GUCY1A1: variants seen among roughly 807,000 people sequenced by gnomAD.
GUCY1A1 encodes the protein guanylate cyclase soluble subunit alpha-1.
GUCY1A1 carries 48 observed loss-of-function variants against 64.5 expected under a neutral mutation model. That is an observed-to-expected ratio of 0.74 (90% CI 0.59 to 0.95). The LOEUF is 0.95. GUCY1A1 is among the 40% of genes least tolerant of loss of function. The pLI, the probability that GUCY1A1 is intolerant of heterozygous loss-of-function variation, is 0.00. For synonymous variants in GUCY1A1, 308 were observed against 303.4 expected, an observed-to-expected ratio of 1.02 and a Z score of -0.16; for missense variants, 804 against 825.3, an observed-to-expected ratio of 0.97 and a Z score of 0.32.
rs1431843201 is a variant in GUCY1A1, at chr4:155,717,158, G to C, written c.1573-1G>C. 2.0e-6 allele frequency: 3 copies of C among 1,469,498 alleles called. No homozygotes were observed. Among genetic ancestry groups the C allele is most frequent in the Non-Finnish European group, 2.7e-6 (3 of 1,096,238 alleles). 91.0% of individuals were successfully genotyped at this position (1,469,498 alleles called of 1,614,324 possible). ...TAGTATGGAAAATATATTATGTCTA[G>C]GTGGAGACCATTGGCGATGCCTATT... is the stretch of plus-strand genomic sequence containing the variant. On this transcript the variant is annotated splice_acceptor_variant, in intron 7 of 9. Coordinates refer to ENST00000506455, the MANE Select transcript of GUCY1A1 (RefSeq NM_001130682.3). LOFTEE classifies it high-confidence loss of function.
At chr4:155,707,904 T>C (rs1247818654) in intron 4 of GUCY1A1, among the ~76,000 whole-genome samples, 2 of 151,360 alleles carry the variant, frequency 1.3e-5, no homozygotes, top group African/African-American at 4.9e-5. Context: ...TGATCTCGGC[T>C]CACTGCTACC....
chr4:155,678,917 T>C lies in GUCY1A1; in HGVS notation c.-113+11498T>C, dbSNP rs534305750. 2.0e-5 allele frequency among the ~76,000 whole-genome samples: 3 copies of C among 152,356 alleles called. No individual in the cohort carries two copies. In the East Asian group the frequency reaches 5.8e-4, roughly 29 times the overall value. On this transcript the variant is annotated intron_variant, in intron 2 of 9. Transcript: ENST00000506455. ...TTAATAACTAATAATATTGAGCATA[T>C]GAAGAAATGTTTATGACTGTTTATA...
chr4:155,674,501 CT>C (rs1734621704), intron 2 of GUCY1A1, among the ~76,000 whole-genome samples: 2 of 151,480 alleles, frequency 1.3e-5, no homozygotes, highest in Admixed American at 1.3e-4. Flanking sequence ...AGTCCAGCAT[CT>C]TCGTTCTTTA....
intron 2 of GUCY1A1, among the ~76,000 whole-genome samples, chr4:155,673,196 A>G (rs1000490242): frequency 2.0e-5 from 3 of 151,368 alleles, no homozygotes; most frequent in Non-Finnish European, 4.4e-5. Flanking sequence ...ATATTTTATA[A>G]CACTCTTCTT....
Position 155,722,439 on chromosome 4 carries a change from T to C in GUCY1A1, c.1871+247T>C, listed in dbSNP as rs931109604. 6.9e-6 allele frequency: 9 copies of C among 1,308,744 alleles called. No homozygotes were observed. In the African/African-American group the frequency reaches 1.2e-4, roughly 17 times the overall value. 81.1% of individuals were successfully genotyped at this position (1,308,744 alleles called of 1,614,324 possible). A position where few individuals can be genotyped will look rare whatever the true frequency, so the allele number is the denominator to read the frequency against. ...ATGACAGATATTACATAGTCTTCCATCATTCTTCTTTTAGAAGCACATATT... is the reference window on the plus strand; with the variant it reads ...ATGACAGATATTACATAGTCTTCCACCATTCTTCTTTTAGAAGCACATATT... On this transcript the variant is annotated intron_variant, in intron 9 of 9. Coordinates refer to ENST00000506455, the MANE Select transcript of GUCY1A1 (RefSeq NM_001130682.3).
At chr4:155,705,304 T>C (rs558462858) in intron 4 of GUCY1A1, among the ~76,000 whole-genome samples, 1 of 152,228 alleles carries the variant, frequency 6.6e-6, no homozygotes, top group African/African-American at 2.4e-5. Context: ...ATCCCAGCCC[T>C]TTGGGAGGTC....
At chr4:155,700,132 A>G (rs1278001219) in intron 3 of GUCY1A1, among the ~76,000 whole-genome samples, 2 of 152,154 alleles carry the variant, frequency 1.3e-5, no homozygotes, top group Non-Finnish European at 2.9e-5. Flanking sequence ...TTGTTTCCCA[A>G]TAATTCTGTA....
intron 3 of GUCY1A1, among the ~76,000 whole-genome samples, chr4:155,701,800 T>TC (rs1404946466): frequency 9.5e-6 from 1 of 105,746 alleles, no homozygotes; most frequent in East Asian, 2.5e-4. Context: ...AAACTCTATA[T>TC]CCAAAAAAAA....
In GUCY1A1 at chr4:155,736,360, A is replaced by G. The variant is rs1029870000; in HGVS notation, c.*6129A>G. The G allele has an allele frequency of 1.3e-5, 2 of 152,084 alleles. No homozygotes were observed. The highest frequency in any genetic ancestry group is 3.9e-4 in the East Asian group (2 of 5,164). The allele number at this position is 152,084 out of a possible 1,614,324, so 9.4% of individuals were successfully genotyped here. ...TTGCTTTGAGAAATGGATAAAAGAC[A>G]TAGACTATCACCCCTCCAAAAATGT... On this transcript the variant is annotated 3_prime_UTR_variant, in exon 10 of 10. Coordinates refer to ENST00000506455, the MANE Select transcript of GUCY1A1 (RefSeq NM_001130682.3).
chr4:155,698,666 ACT>A (rs2126756156), intron 3 of GUCY1A1, among the ~76,000 whole-genome samples: 1 of 152,254 alleles, frequency 6.6e-6, no homozygotes, highest in African/African-American at 2.4e-5. Context: ...ACAGAGCGAG[ACT>A]CTGTCTCAAC....
chr4:155,712,992 G>A (rs1732771999), intron 6 of GUCY1A1, 106 bp from the exon 7 acceptor site: 1 of 933,224 alleles, frequency 1.1e-6, no homozygotes, highest in African/African-American at 1.7e-5. Context: ...CTTTTCAGCA[G>A]GTTTAAACAC....
chr4:155,723,816 C>G (rs1328550260), intron 9 of GUCY1A1, among the ~76,000 whole-genome samples: 1 of 152,076 alleles, frequency 6.6e-6, no homozygotes, highest in African/African-American at 2.4e-5. Context: ...GCGCCCGCCT[C>G]CACGTCTGGC....
chr4:155,736,443 C>A lies in GUCY1A1; in HGVS notation c.*6212C>A, dbSNP rs879319668. 2 of 151,978 alleles carry A rather than the reference C, an allele frequency of 1.3e-5. No individual in the cohort carries two copies. The highest frequency in any genetic ancestry group is 2.9e-5 in the Non-Finnish European group (2 of 67,942). 9.4% of individuals were successfully genotyped at this position (151,978 alleles called of 1,614,324 possible). A position where few individuals can be genotyped will look rare whatever the true frequency, so the allele number is the denominator to read the frequency against. ...CAGAGCTTGGGGAACTCCCTAGAAT[C>A]TACTCCTAGACCACCCTAGTGAAGT... On this transcript the variant is annotated 3_prime_UTR_variant, in exon 10 of 10. Coordinates refer to ENST00000506455, the MANE Select transcript of GUCY1A1 (RefSeq NM_001130682.3).
At chr4:155,701,175 G>T (rs1211701203) in intron 3 of GUCY1A1, among the ~76,000 whole-genome samples, 2 of 152,134 alleles carry the variant, frequency 1.3e-5, no homozygotes, top group Non-Finnish European at 2.9e-5. Context: ...TCTCTTATGG[G>T]TTTTGTTTTG....
chr4:155,730,262 G>A lies in GUCY1A1; in HGVS notation c.*31G>A. ...TATATACCTATTTATAAGTCTTTGG[G>A]GTTTGACTCATTGAAGATGTGTAGA... is the stretch of plus-strand genomic sequence containing the variant. On this transcript the variant is annotated 3_prime_UTR_variant, in exon 10 of 10. Coordinates refer to ENST00000506455, the MANE Select transcript of GUCY1A1 (RefSeq NM_001130682.3). The A allele has an allele frequency of 7.1e-7, 1 of 1,408,286 alleles. No individual in the cohort carries two copies. Among genetic ancestry groups the A allele is most frequent in the Non-Finnish European group, 1.0e-6 (1 of 995,166 alleles). 87.2% of individuals were successfully genotyped at this position (1,408,286 alleles called of 1,614,324 possible). A position where few individuals can be genotyped will look rare whatever the true frequency, so the allele number is the denominator to read the frequency against.
intron 2 of GUCY1A1, among the ~76,000 whole-genome samples, chr4:155,677,233 A>G (rs7685675): frequency 0.23 from 35,018 of 152,170 alleles, 5,167 homozygotes; most frequent in East Asian, 0.64. Context: ...AGATTAGGTA[A>G]TGTGATTATA....
At chr4:155,701,824 T>C (rs1322380774) in intron 3 of GUCY1A1, among the ~76,000 whole-genome samples, 2 of 150,704 alleles carry the variant, frequency 1.3e-5, no homozygotes, top group Non-Finnish European at 3.0e-5. Flanking sequence ...AAAAAGAAGT[T>C]CCTGGTTCAA....
chr4:155,691,536 G>T (rs546323446), intron 2 of GUCY1A1, among the ~76,000 whole-genome samples: 10 of 152,124 alleles, frequency 6.6e-5, no homozygotes, highest in African/African-American at 2.2e-4. Context: ...GTTACAATTT[G>T]TACTGAAGTA....
intron 2 of GUCY1A1, among the ~76,000 whole-genome samples, chr4:155,683,962 A>C (rs1464865644): frequency 6.6e-6 from 1 of 152,164 alleles, no homozygotes; most frequent in Non-Finnish European, 1.5e-5. Flanking sequence ...ATACACCTAT[A>C]CACCTCCTGA....
Sources: gnomAD v4.1 joint callset for allele counts (sites outside exome capture counted in the v4.1 genomes callset) on GRCh38, gnomAD v4.1.1 for gene constraint, MANE v1.5 for transcripts, NCBI Gene and HGNC (gene_info 2026-07-23, HGNC 2026-07-21) for gene names.